Variants in ADAMTS6 observed in about 807,000 individuals in gnomAD.
ADAMTS6 encodes the protein ADAM metallopeptidase with thrombospondin type 1 motif 6.
A neutral mutation model predicts 144.3 loss-of-function variants in ADAMTS6; 23 were observed. The ratio of observed to expected loss-of-function variants is 0.16; its 90% CI spans 0.11 to 0.23. ADAMTS6 has a LOEUF of 0.23. ADAMTS6 is among the 10% of genes least tolerant of loss of function. The probability of loss-of-function intolerance (pLI) is 1.00; values close to 1 mark genes in which losing one functional copy is unlikely to be tolerated. For missense variants in ADAMTS6, 999 were observed against 1,379.6 expected (o/e 0.72, Z 4.37); for synonymous variants, 444 against 457.5 (o/e 0.97, Z 0.38).
intron 7 of ADAMTS6, among the ~76,000 whole-genome samples, chr5:65,387,909 A>G (rs1752601523): frequency 6.6e-6 from 1 of 152,164 alleles, no homozygotes; most frequent in Non-Finnish European, 1.5e-5. Context: ...AAATAAACAA[A>G]TAATAGAATT....
chr5:65,298,211 A>G (rs890579372), intron 10 of ADAMTS6, among the ~76,000 whole-genome samples: 2 of 152,178 alleles, frequency 1.3e-5, no homozygotes, highest in Non-Finnish European at 1.5e-5. Context: ...CCTTGTATTT[A>G]GTATACAGAG....
In ADAMTS6 at chr5:65,321,244, G is replaced by A. The variant is rs922656657; in HGVS notation, c.1223+8134C>T. Among the ~76,000 whole-genome samples the A allele has an allele frequency of 5.8e-4, 89 of 152,200 alleles. 1 individual carries two copies. Among genetic ancestry groups the A allele is most frequent in the African/African-American group, 2.1e-3 (88 of 41,508 alleles). ...TTGACTTTTTAACAATAGCCATTCT[G>A]ACTGGTTTGAGGTGTTATCTCACTG... is the stretch of plus-strand genomic sequence containing the variant. On this transcript the variant is annotated intron_variant, in intron 9 of 24. Coordinates refer to ENST00000381055, the MANE Select transcript of ADAMTS6 (RefSeq NM_197941.4).
chr5:65,450,454 C>T (rs148114824), intron 7 of ADAMTS6, among the ~76,000 whole-genome samples: 225 of 152,210 alleles, frequency 1.5e-3, no homozygotes, highest in Admixed American at 2.6e-3. Flanking sequence ...AGTCAATGAA[C>T]ATACCACAGA....
chr5:65,226,245 T>C, intron 15 of ADAMTS6, 26 bp from the exon 16 acceptor site: 2 of 1,606,738 alleles, frequency 1.2e-6, no homozygotes, highest in Non-Finnish European at 1.7e-6. Flanking sequence ...AGAAGAGAAA[T>C]AAGTGGAGTG....
At chr5:65,435,392 T>C (rs942357740) in intron 7 of ADAMTS6, among the ~76,000 whole-genome samples, 5 of 152,114 alleles carry the variant, frequency 3.3e-5, no homozygotes, top group Non-Finnish European at 5.9e-5. Context: ...AAAGCAAATA[T>C]GATAAAAATG....
intron 19 of ADAMTS6, 97 bp downstream of exon 19, chr5:65,215,227 T>G: frequency 7.3e-7 from 1 of 1,365,178 alleles, no homozygotes; most frequent in South Asian, 1.4e-5. Flanking sequence ...TACCTTAATT[T>G]CATCACCTGT....
chr5:65,288,268 G>A (rs1220125711), intron 11 of ADAMTS6, among the ~76,000 whole-genome samples: 1 of 151,712 alleles, frequency 6.6e-6, no homozygotes, highest in Non-Finnish European at 1.5e-5. Context: ...CTGCAGTATA[G>A]ATCCTTCGGT....
At chr5:65,325,275 C>T (rs1045449873) in intron 9 of ADAMTS6, among the ~76,000 whole-genome samples, 2 of 152,026 alleles carry the variant, frequency 1.3e-5, no homozygotes, top group Admixed American at 6.6e-5. Flanking sequence ...AGAATGGGTG[C>T]ATTTTTAATG....
chr5:65,460,824 C>G (rs1352077850), intron 3 of ADAMTS6, among the ~76,000 whole-genome samples: 4 of 152,116 alleles, frequency 2.6e-5, no homozygotes, highest in African/African-American at 7.2e-5. Flanking sequence ...CTCCAAATAC[C>G]TAGGGTAGGT....
At chr5:65,269,789 A>G (rs1179967940) in intron 12 of ADAMTS6, among the ~76,000 whole-genome samples, 1 of 144,160 alleles carries the variant, frequency 6.9e-6, no homozygotes, top group Admixed American at 6.9e-5. Flanking sequence ...TAGTGTAAGT[A>G]CTTTTTTTTT....
chr5:65,252,762 T>C (rs1760290797), intron 14 of ADAMTS6, among the ~76,000 whole-genome samples: 1 of 152,074 alleles, frequency 6.6e-6, no homozygotes, highest in Non-Finnish European at 1.5e-5. Flanking sequence ...AATGAGAGGA[T>C]CAAGACTACT....
chr5:65,194,160 C>G (rs537402347), intron 21 of ADAMTS6, among the ~76,000 whole-genome samples: 1 of 152,224 alleles, frequency 6.6e-6, no homozygotes, highest in East Asian at 1.9e-4. Flanking sequence ...TCTATAATAC[C>G]AATGTCAACT....
chr5:65,170,599 C>G lies in ADAMTS6; in HGVS notation c.3244+18G>C. The G allele has an allele frequency of 6.2e-7, 1 of 1,613,018 alleles. No individual in the cohort carries two copies. Among genetic ancestry groups the G allele is most frequent in the Non-Finnish European group, 8.5e-7 (1 of 1,179,526 alleles). On this transcript the variant is annotated intron_variant, in intron 24 of 24. Coordinates refer to ENST00000381055, the MANE Select transcript of ADAMTS6 (RefSeq NM_197941.4). ...GGGTCATTAGAAACCACAGGCCCCT[C>G]CTCCATGGAAAACTCACCTTCAGTA...
chr5:65,340,621 C>T (rs967716720), intron 7 of ADAMTS6, among the ~76,000 whole-genome samples: 40 of 151,556 alleles, frequency 2.6e-4, no homozygotes, highest in Admixed American at 2.5e-3. Flanking sequence ...TTAATAGTAA[C>T]CTTGAATGTA....
chr5:65,418,783 A>G (rs942913922), intron 7 of ADAMTS6, among the ~76,000 whole-genome samples: 1 of 152,226 alleles, frequency 6.6e-6, no homozygotes, highest in Admixed American at 6.5e-5. Flanking sequence ...AGTGGCCAAC[A>G]AACATATGAA....
At chr5:65,246,024 G>A (rs571379297) in intron 14 of ADAMTS6, among the ~76,000 whole-genome samples, 7 of 152,242 alleles carry the variant, frequency 4.6e-5, no homozygotes, top group African/African-American at 1.7e-4. Context: ...ATTCAGGTTA[G>A]AAGTGACATA....
At chr5:65,205,181 G>A (rs1251589873) in intron 20 of ADAMTS6, among the ~76,000 whole-genome samples, 1 of 150,658 alleles carries the variant, frequency 6.6e-6, no homozygotes, top group Non-Finnish European at 1.5e-5. Context: ...TCTGCTTTGA[G>A]TTTCTGTGAA....
intron 23 of ADAMTS6, among the ~76,000 whole-genome samples, chr5:65,171,904 C>T (rs1307463686): frequency 6.6e-6 from 1 of 151,884 alleles, no homozygotes; most frequent in East Asian, 1.9e-4. Flanking sequence ...GCTGCTGAGG[C>T]TGAAGAATGA....
chr5:65,243,432 G>C (rs1759364320), intron 14 of ADAMTS6, among the ~76,000 whole-genome samples: 1 of 152,048 alleles, frequency 6.6e-6, no homozygotes. Context: ...ACCACATCAA[G>C]TCCAAAGCCT....
Sources: gnomAD v4.1 joint callset for allele counts (sites outside exome capture counted in the v4.1 genomes callset) on GRCh38, gnomAD v4.1.1 for gene constraint, MANE v1.5 for transcripts, NCBI Gene and HGNC (gene_info 2026-07-23, HGNC 2026-07-21) for gene names.